The following MITF variants were observed in gnomAD, a reference collection of about 807,000 sequenced individuals.
MITF encodes melanocyte inducing transcription factor, also known as microphthalmia-associated transcription factor.
Under a neutral mutation model 60.5 loss-of-function variants are expected in MITF, and 17 were observed. The ratio of observed to expected loss-of-function variants is 0.28; its 90% confidence interval spans 0.19 to 0.42. The LOEUF is 0.42. MITF is among the 10% of genes least tolerant of loss of function. MITF has a pLI of 1.00. For missense variants in MITF, 622 were observed against 683.5 expected (o/e 0.91, Z 1.00); for synonymous variants, 260 against 248.5 (o/e 1.05, Z -0.43).
intron 1 of MITF, among the ~76,000 whole-genome samples, chr3:69,787,793 A>G (rs1045840909): frequency 2.0e-5 from 3 of 152,190 alleles, no homozygotes; most frequent in Non-Finnish European, 2.9e-5. Flanking sequence ...TACGTGTCCA[A>G]CATTACATTT....
intron 1 of MITF, among the ~76,000 whole-genome samples, chr3:69,776,537 A>T (rs765407434): frequency 6.6e-6 from 1 of 152,180 alleles, no homozygotes; most frequent in Admixed American, 6.5e-5. Context: ...CTGAGTTAGT[A>T]TGTGTCAAGT....
At chr3:69,937,388 G>GTGTC (rs1196555634) in intron 2 of MITF, among the ~76,000 whole-genome samples, 42 of 151,868 alleles carry the variant, frequency 2.8e-4, no homozygotes, top group Non-Finnish European at 5.7e-4. Context: ...GTGTGTGTGT[G>GTGTC]TGTGTGTGTG....
At chr3:69,803,559 C>T (rs1452056953) in intron 1 of MITF, among the ~76,000 whole-genome samples, 1 of 151,930 alleles carries the variant, frequency 6.6e-6, no homozygotes, top group Non-Finnish European at 1.5e-5. Flanking sequence ...CCTAATTTCC[C>T]TAAAGAAAAA....
chr3:69,855,812 G>A (rs577045976), intron 1 of MITF, among the ~76,000 whole-genome samples: 4 of 152,096 alleles, frequency 2.6e-5, no homozygotes, highest in African/African-American at 9.7e-5. Context: ...TTTATATATC[G>A]AAGCATCAAC....
chr3:69,891,333 A>C (rs1414647197), intron 2 of MITF, among the ~76,000 whole-genome samples: 1 of 152,200 alleles, frequency 6.6e-6, no homozygotes, highest in Admixed American at 6.5e-5. Flanking sequence ...TAATTTTGAT[A>C]TAAAATCTCT....
intron 1 of MITF, among the ~76,000 whole-genome samples, chr3:69,845,247 G>T (rs1394299464): frequency 6.6e-6 from 1 of 151,856 alleles, no homozygotes; most frequent in Non-Finnish European, 1.5e-5. Flanking sequence ...GAAGCAAGAG[G>T]TATTAAATAT....
At chr3:69,820,762 C>A (rs1559650949) in intron 1 of MITF, among the ~76,000 whole-genome samples, 1 of 152,116 alleles carries the variant, frequency 6.6e-6, no homozygotes, top group African/African-American at 2.4e-5. Flanking sequence ...TGCTGGCCTG[C>A]CCAACACTCT....
At chr3:69,827,652 TCATGTTTTAAA>T (rs1316131729) in intron 1 of MITF, among the ~76,000 whole-genome samples, 1 of 152,158 alleles carries the variant, frequency 6.6e-6, no homozygotes, top group South Asian at 2.1e-4. Context: ...CTTGGCTCAG[TCATGTTTTAAA>T]CATGTTTTAA....
At chr3:69,802,574 C>A (rs142000970) in intron 1 of MITF, among the ~76,000 whole-genome samples, 1 of 151,828 alleles carries the variant, frequency 6.6e-6, no homozygotes, top group African/African-American at 2.4e-5. Context: ...GTGAGGGAAC[C>A]GCCATCCATT....
chr3:69,935,598 G>A (rs905200553), intron 2 of MITF, among the ~76,000 whole-genome samples: 8 of 152,076 alleles, frequency 5.3e-5, no homozygotes, highest in East Asian at 1.9e-4. Flanking sequence ...TCAACCTAAC[G>A]GACTGCATTA....
intron 1 of MITF, among the ~76,000 whole-genome samples, chr3:69,812,942 C>A (rs1179635112): frequency 6.6e-6 from 1 of 152,090 alleles, no homozygotes; most frequent in Non-Finnish European, 1.5e-5. Context: ...TTACTTTTGC[C>A]TCTCACATAA....
chr3:69,812,174 A>G (rs1177113405), intron 1 of MITF, among the ~76,000 whole-genome samples: 1 of 152,182 alleles, frequency 6.6e-6, no homozygotes, highest in Non-Finnish European at 1.5e-5. Flanking sequence ...TGTGGAAAGA[A>G]TGAAGACAGT....
chr3:69,762,189 T>G (rs1330017283), intron 1 of MITF, among the ~76,000 whole-genome samples: 1 of 152,164 alleles, frequency 6.6e-6, no homozygotes, highest in Non-Finnish European at 1.5e-5. Flanking sequence ...TAAAAGGATA[T>G]AATGATCTAG....
intron 1 of MITF, among the ~76,000 whole-genome samples, chr3:69,858,346 G>A (rs1575829535): frequency 1.3e-5 from 2 of 152,186 alleles, no homozygotes; most frequent in Middle Eastern, 6.8e-3. Flanking sequence ...TTTAAATCCT[G>A]TTTGCTCAGC....
At chr3:69,741,824 T>A (rs1000251359) in intron 1 of MITF, among the ~76,000 whole-genome samples, 5 of 152,230 alleles carry the variant, frequency 3.3e-5, no homozygotes, top group Admixed American at 1.3e-4. Context: ...GTCGTCGACA[T>A]CTGTTGTGTG....
chr3:69,794,597 C>T (rs527766233), intron 1 of MITF, among the ~76,000 whole-genome samples: 15 of 152,058 alleles, frequency 9.9e-5, no homozygotes, highest in Admixed American at 5.2e-4. Context: ...AATGGCAACA[C>T]GTTAAAATTC....
At chr3:69,892,717 A>AT (rs1288200587) in intron 2 of MITF, among the ~76,000 whole-genome samples, 1 of 152,208 alleles carries the variant, frequency 6.6e-6, no homozygotes, top group Non-Finnish European at 1.5e-5. Flanking sequence ...GTAGCACAAA[A>AT]TGGCCCTTTC....
At chr3:69,808,993 A>G (rs182794714) in intron 1 of MITF, among the ~76,000 whole-genome samples, 2 of 152,256 alleles carry the variant, frequency 1.3e-5, no homozygotes, top group African/African-American at 4.8e-5. Flanking sequence ...GTGGGAGACT[A>G]TGATGACTTT....
chr3:69,920,011 A>G (rs1310764256), intron 2 of MITF, among the ~76,000 whole-genome samples: 2 of 152,190 alleles, frequency 1.3e-5, no homozygotes, highest in African/African-American at 4.8e-5. Flanking sequence ...AATATCATTA[A>G]TCATTAGTTT....
Sources: allele counts gnomAD v4.1 joint callset (sites outside exome capture counted in the v4.1 genomes callset), GRCh38; gene constraint gnomAD v4.1.1; transcripts MANE v1.5; gene names NCBI Gene and HGNC (gene_info 2026-07-23, HGNC 2026-07-21).